The following DPP6 variants were observed in gnomAD, a reference collection of about 807,000 sequenced individuals.
DPP6 encodes dipeptidyl peptidase like 6, also known as A-type potassium channel modulatory protein DPP6.
Under a neutral mutation model 122.6 loss-of-function variants are expected in DPP6, and 69 were observed. The observed-to-expected ratio is 0.56, with a 90% CI of 0.46 to 0.69. The LOEUF (loss-of-function observed/expected upper bound fraction) is 0.69. Ranked by LOEUF, DPP6 falls within the 30% of genes least tolerant of loss-of-function variation. The pLI, the probability that DPP6 is intolerant of heterozygous loss-of-function variation, is 0.00. For missense variants in DPP6, 928 were observed against 1,116.9 expected (o/e 0.83, Z 2.41); for synonymous variants, 418 against 433.1 (o/e 0.97, Z 0.43).
intron 18 of DPP6, among the ~76,000 whole-genome samples, chr7:154,871,874 G>A (rs777135748): frequency 6.6e-5 from 10 of 152,244 alleles, no homozygotes; most frequent in Non-Finnish European, 8.8e-5. Context: ...CAACTTGGAT[G>A]GGAAGATTTG....
At chr7:153,793,143 G>C in the DPP6 span, among the ~76,000 whole-genome samples, 1 of 152,156 alleles carries the variant, frequency 6.6e-6, no homozygotes, top group African/African-American at 2.4e-5. Context: ...AAATGTGGAA[G>C]TGACATTGGA....
In DPP6 at chr7:154,264,979, G is replaced by A. The variant is rs1315412802; in HGVS notation, c.244-181235G>A. On this transcript the variant is annotated intron_variant, in intron 1 of 25. Coordinates refer to ENST00000377770, the MANE Select transcript of DPP6 (RefSeq NM_130797.4). ...TGGTGATCCTGATGATGGTGTTGAT[G>A]ATGATGGTGATAATGGTGATGATAA... Among the ~76,000 whole-genome samples, 9 of 152,236 alleles carry A rather than the reference G, an allele frequency of 5.9e-5. 1 individual carries two copies. Among genetic ancestry groups the A allele is most frequent in the African/African-American group, 2.2e-4 (9 of 41,460 alleles).
chr7:154,355,159 C>G (rs1811172951), intron 1 of DPP6, among the ~76,000 whole-genome samples: 1 of 152,120 alleles, frequency 6.6e-6, no homozygotes, highest in Non-Finnish European at 1.5e-5. Flanking sequence ...TAGTCAAGTA[C>G]CTATTCAAGT....
chr7:154,815,014 GT>G, intron 16 of DPP6, among the ~76,000 whole-genome samples: 1 of 152,262 alleles, frequency 6.6e-6, no homozygotes, highest in East Asian at 1.9e-4. Flanking sequence ...GGACTTCAGT[GT>G]AACTTTTGGG....
At chr7:153,928,107 G>A (rs1217775682) in intron 1 of DPP6, among the ~76,000 whole-genome samples, 4 of 134,670 alleles carry the variant, frequency 3.0e-5, no homozygotes, top group Admixed American at 7.6e-5. Flanking sequence ...ACACTGGGTA[G>A]CTTAAAAACA....
At chr7:154,697,257 C>A (rs1057292702) in intron 7 of DPP6, among the ~76,000 whole-genome samples, 7 of 152,230 alleles carry the variant, frequency 4.6e-5, no homozygotes, top group Non-Finnish European at 1.0e-4. Context: ...TCCACAGCAG[C>A]CTCCCTTTAA....
intron 3 of DPP6, among the ~76,000 whole-genome samples, chr7:154,510,197 G>T (rs1272620370): frequency 1.3e-5 from 2 of 152,134 alleles, no homozygotes; most frequent in Admixed American, 1.3e-4. Flanking sequence ...CTCATGGCAG[G>T]TCCTTAGAAA....
intron 1 of DPP6, among the ~76,000 whole-genome samples, chr7:154,143,964 G>A (rs1254575227): frequency 6.6e-6 from 1 of 152,010 alleles, no homozygotes; most frequent in Non-Finnish European, 1.5e-5. Flanking sequence ...TAATACATAT[G>A]AGGTGTGTTG....
intron 1 of DPP6, among the ~76,000 whole-genome samples, chr7:154,169,099 G>A (rs1366190521): frequency 1.7e-4 from 6 of 35,404 alleles, no homozygotes; most frequent in South Asian, 2.6e-3. Context: ...TTGCGCTGCT[G>A]GCTTCTCCAC....
chr7:154,087,821 T>G (rs1288905782), intron 1 of DPP6, among the ~76,000 whole-genome samples: 4 of 152,194 alleles, frequency 2.6e-5, no homozygotes, highest in Non-Finnish European at 4.4e-5. Flanking sequence ...ATTTGGGGAT[T>G]ATTAAATACA....
intron 6 of DPP6, among the ~76,000 whole-genome samples, chr7:154,639,614 AC>A (rs1181332330): frequency 2.6e-5 from 4 of 152,220 alleles, no homozygotes; most frequent in African/African-American, 9.7e-5. Flanking sequence ...GATTCTAGGA[AC>A]TTGGCACAGG....
chr7:153,983,040 G>A (rs1316061229), intron 1 of DPP6, among the ~76,000 whole-genome samples: 8 of 152,250 alleles, frequency 5.3e-5, no homozygotes, highest in African/African-American at 2.4e-5. Context: ...CCCACTTGAT[G>A]AGGCAGTCTG....
At chr7:153,926,806 A>G (rs1585043153) in intron 1 of DPP6, among the ~76,000 whole-genome samples, 2 of 18,014 alleles carry the variant, frequency 1.1e-4, no homozygotes, top group Admixed American at 5.1e-4. Flanking sequence ...ACAGATTTGT[A>G]AAAAAAAGAA....
chr7:153,882,974 A>G (rs1328877896), upstream of DPP6, among the ~76,000 whole-genome samples: 1 of 152,248 alleles, frequency 6.6e-6, no homozygotes, highest in Non-Finnish European at 1.5e-5. Flanking sequence ...TGAGAATCGT[A>G]AGATAAACAT....
intron 1 of DPP6, among the ~76,000 whole-genome samples, chr7:154,221,633 T>C (rs529005010): frequency 6.6e-6 from 1 of 152,312 alleles, no homozygotes; most frequent in East Asian, 1.9e-4. Flanking sequence ...TTTTTAACAA[T>C]AAATCACAGG....
At chr7:154,732,568 G>A (rs1386779858) in intron 8 of DPP6, among the ~76,000 whole-genome samples, 1 of 152,196 alleles carries the variant, frequency 6.6e-6, no homozygotes, top group Non-Finnish European at 1.5e-5. Context: ...TCAAAGGGCA[G>A]TGGAGGTAGA....
chr7:154,839,318 A>G (rs1290593828), intron 16 of DPP6, among the ~76,000 whole-genome samples: 1 of 152,220 alleles, frequency 6.6e-6, no homozygotes, highest in African/African-American at 2.4e-5. Context: ...GGTGCAGCCA[A>G]CACTGAACAC....
chr7:154,470,230 T>C (rs150745968), intron 2 of DPP6, among the ~76,000 whole-genome samples: 31 of 152,340 alleles, frequency 2.0e-4, no homozygotes, highest in Middle Eastern at 3.4e-3. Flanking sequence ...CACACATCTT[T>C]GGAGGAGTCA....
intron 15 of DPP6, among the ~76,000 whole-genome samples, chr7:154,806,217 C>T (rs1212539552): frequency 6.6e-6 from 1 of 152,230 alleles, no homozygotes; most frequent in Non-Finnish European, 1.5e-5. Context: ...TTCTCTCTCC[C>T]GTGAAATATC....
Sources: allele counts gnomAD v4.1 joint callset (sites outside exome capture counted in the v4.1 genomes callset), GRCh38; gene constraint gnomAD v4.1.1; transcripts MANE v1.5; gene names NCBI Gene and HGNC (gene_info 2026-07-23, HGNC 2026-07-21).